Variants in ADRA1B observed in about 807,000 individuals in gnomAD.
ADRA1B encodes the protein adrenoceptor alpha 1B, also known as alpha-1B adrenergic receptor.
ADRA1B carries 17 observed loss-of-function variants against 17.9 expected under a neutral mutation model. The observed-to-expected ratio is 0.95, with a 90% CI of 0.65 to 1.42. The LOEUF (loss-of-function observed/expected upper bound fraction) is 1.42, where lower values mean the gene tolerates loss of function less well. Ranked by LOEUF, ADRA1B falls within the 40% of genes most tolerant of loss-of-function variation. The pLI, the probability that ADRA1B is intolerant of heterozygous loss-of-function variation, is 0.00. For synonymous variants in ADRA1B, 366 were observed against 327.6 expected, an observed-to-expected ratio of 1.12 and a Z score of -1.27; for missense variants, 681 against 722.1, an observed-to-expected ratio of 0.94 and a Z score of 0.65.
chr5:159,922,013 C>T (rs748568488), intron 1 of ADRA1B, among the ~76,000 whole-genome samples: 1 of 152,224 alleles, frequency 6.6e-6, no homozygotes, highest in Non-Finnish European at 1.5e-5. Context: ...AGAGGGAAAT[C>T]CTACTAAAGT....
At chr5:159,958,387 A>C (rs75468228) in intron 1 of ADRA1B, among the ~76,000 whole-genome samples, 4,394 of 152,220 alleles carry the variant, frequency 0.029, 209 homozygotes, top group African/African-American at 0.1. Flanking sequence ...GGTTCTCTTT[A>C]TAAACTACAT....
At chr5:159,903,592 C>A (rs779863175) in intron 1 of ADRA1B, among the ~76,000 whole-genome samples, 27 of 152,234 alleles carry the variant, frequency 1.8e-4, no homozygotes, top group Non-Finnish European at 3.7e-4. Context: ...TGGTAATGGC[C>A]AAGTAGCTAC....
intron 1 of ADRA1B, among the ~76,000 whole-genome samples, chr5:159,922,638 A>G (rs1754518786): frequency 6.6e-6 from 1 of 152,144 alleles, no homozygotes; most frequent in South Asian, 2.1e-4. Context: ...ACTGTGTATG[A>G]CAAGGGTCTC....
chr5:159,881,283 G>C (rs1293657906), intron 1 of ADRA1B, among the ~76,000 whole-genome samples: 1 of 139,974 alleles, frequency 7.1e-6, no homozygotes, highest in Non-Finnish European at 1.6e-5. Flanking sequence ...TGTGGAATGA[G>C]AACAATATCA....
chr5:159,942,345 T>C (rs77035875), intron 1 of ADRA1B, among the ~76,000 whole-genome samples: 1,840 of 152,268 alleles, frequency 0.012, 44 homozygotes, highest in African/African-American at 0.042. Context: ...ATTTATGGTA[T>C]GGGAATTATA....
intron 1 of ADRA1B, among the ~76,000 whole-genome samples, chr5:159,948,767 T>G (rs1755345862): frequency 6.6e-6 from 1 of 152,234 alleles, no homozygotes; most frequent in Non-Finnish European, 1.5e-5. Context: ...ATGTTGAATA[T>G]TTGGGGTTGT....
At chr5:159,875,899 A>G (rs1345550984) in intron 1 of ADRA1B, among the ~76,000 whole-genome samples, 3 of 70,986 alleles carry the variant, frequency 4.2e-5, no homozygotes, top group African/African-American at 3.1e-4. Context: ...AGTTGCTTAA[A>G]CAACAAGGGC....
downstream of ADRA1B, among the ~76,000 whole-genome samples, chr5:159,975,087 C>G (rs1401343913): frequency 6.6e-6 from 1 of 152,228 alleles, no homozygotes; most frequent in Non-Finnish European, 1.5e-5. Context: ...AAAGCCCCAA[C>G]TCCATTCCCG....
intron 1 of ADRA1B, among the ~76,000 whole-genome samples, chr5:159,875,963 C>T (rs942595914): frequency 3.9e-5 from 6 of 152,086 alleles, no homozygotes; most frequent in East Asian, 1.9e-4. Flanking sequence ...CTGAGGTGGG[C>T]GGATCACTTG....
chr5:159,919,772 G>A (rs1173174880), intron 1 of ADRA1B, among the ~76,000 whole-genome samples: 1 of 152,254 alleles, frequency 6.6e-6, no homozygotes, highest in African/African-American at 2.4e-5. Flanking sequence ...GGCCTCAGCA[G>A]GATGCAGGAA....
At chr5:159,962,837 A>ATTTTTTT (rs756263225) in intron 1 of ADRA1B, among the ~76,000 whole-genome samples, 1 of 43,016 alleles carries the variant, frequency 2.3e-5, no homozygotes, top group Non-Finnish European at 4.6e-5. Context: ...ACACCTGGCT[A>ATTTTTTT]TTTTTTTTTT....
At chr5:159,957,929 CAAAAAAAAA>C (rs35956137) in intron 1 of ADRA1B, among the ~76,000 whole-genome samples, 6 of 66,862 alleles carry the variant, frequency 9.0e-5, no homozygotes, top group African/African-American at 3.3e-4. Flanking sequence ...AACCCCATCT[CAAAAAAAAA>C]AAAAAAAAAA....
intron 1 of ADRA1B, among the ~76,000 whole-genome samples, chr5:159,962,935 C>CTTTTT (rs1206944978): frequency 1.7e-3 from 69 of 41,766 alleles, no homozygotes; most frequent in Non-Finnish European, 2.5e-3. Context: ...CTTTTCTTTT[C>CTTTTT]TTTTTTTTTT....
chr5:159,904,100 G>A (rs562631391), intron 1 of ADRA1B, among the ~76,000 whole-genome samples: 7 of 152,260 alleles, frequency 4.6e-5, no homozygotes, highest in Admixed American at 4.6e-4. Context: ...CCATAGTTTT[G>A]CAATGAGCAC....
downstream of ADRA1B, among the ~76,000 whole-genome samples, chr5:159,974,565 G>T (rs901450723): frequency 2.0e-5 from 3 of 151,688 alleles, no homozygotes; most frequent in African/African-American, 7.3e-5. Flanking sequence ...GAACCCAGGG[G>T]GCGGAGGTTG....
At chr5:159,922,764 T>C (rs1243153539) in intron 1 of ADRA1B, among the ~76,000 whole-genome samples, 1 of 152,264 alleles carries the variant, frequency 6.6e-6, no homozygotes, top group East Asian at 1.9e-4. Context: ...TGAATAAATA[T>C]GTATCTATTC....
intron 1 of ADRA1B, among the ~76,000 whole-genome samples, chr5:159,940,687 C>G (rs1162173318): frequency 6.6e-6 from 1 of 152,128 alleles, no homozygotes; most frequent in Non-Finnish European, 1.5e-5. Flanking sequence ...TACACACACA[C>G]AAATGCATAC....
chr5:159,955,445 C>T (rs2113271036), intron 1 of ADRA1B, among the ~76,000 whole-genome samples: 1 of 152,296 alleles, frequency 6.6e-6, no homozygotes, highest in African/African-American at 2.4e-5. Flanking sequence ...CAGCGAACAG[C>T]TGCTGAGAGG....
At chr5:159,911,555 G>A (rs978352504), upstream of ADRA1B, among the ~76,000 whole-genome samples, 1 of 152,176 alleles carries the variant, frequency 6.6e-6, no homozygotes, top group Admixed American at 6.5e-5. Flanking sequence ...CTGCCACTGA[G>A]CTCTCTCTGC....
Sources: gnomAD v4.1 joint callset for allele counts (sites outside exome capture counted in the v4.1 genomes callset) on GRCh38, gnomAD v4.1.1 for gene constraint, MANE v1.5 for transcripts, NCBI Gene and HGNC (gene_info 2026-07-23, HGNC 2026-07-21) for gene names.